The following HIPK2 variants were observed in gnomAD, a reference collection of about 807,000 sequenced individuals.
The protein encoded by HIPK2 is homeodomain interacting protein kinase 2.
HIPK2 carries 27 observed loss-of-function variants against 113.7 expected under a neutral mutation model. The observed-to-expected ratio is 0.24, with a 90% CI of 0.17 to 0.33. HIPK2 has a LOEUF of 0.33. HIPK2 is among the 10% of genes least tolerant of loss of function. HIPK2 has a pLI of 1.00. For synonymous variants in HIPK2, 631 were observed against 642.2 expected (o/e 0.98, Z 0.26); for missense variants, 1,257 against 1,588.0 (o/e 0.79, Z 3.54).
intron 12 of HIPK2, among the ~76,000 whole-genome samples, chr7:139,588,185 G>A (rs1377033479): frequency 6.6e-6 from 1 of 151,986 alleles, no homozygotes; most frequent in African/African-American, 2.4e-5. Context: ...AGGCGTGGTG[G>A]TGTGCACCTG....
chr7:139,607,353 G>A (rs1402912102), intron 9 of HIPK2, among the ~76,000 whole-genome samples: 1 of 152,034 alleles, frequency 6.6e-6, no homozygotes, highest in Non-Finnish European at 1.5e-5. Flanking sequence ...AGGGCAAATA[G>A]GGTGTTCAGG....
chr7:139,670,957 T>A (rs886331555), intron 2 of HIPK2, among the ~76,000 whole-genome samples: 1 of 151,932 alleles, frequency 6.6e-6, no homozygotes, highest in African/African-American at 2.4e-5. Context: ...GACAGGGTTT[T>A]GCCACGTTGT....
chr7:139,611,954 A>G (rs1799843399), intron 9 of HIPK2, among the ~76,000 whole-genome samples: 1 of 152,188 alleles, frequency 6.6e-6, no homozygotes, highest in South Asian at 2.1e-4. Flanking sequence ...ATATCCAGTA[A>G]ATATAAAGCA....
intron 2 of HIPK2, among the ~76,000 whole-genome samples, chr7:139,688,812 T>C (rs923692757): frequency 1.3e-5 from 2 of 152,214 alleles, no homozygotes; most frequent in Non-Finnish European, 2.9e-5. Context: ...ATGTTCATTA[T>C]AAGACGGATT....
chr7:139,594,995 C>A (rs950958104), intron 12 of HIPK2, among the ~76,000 whole-genome samples: 1 of 152,160 alleles, frequency 6.6e-6, no homozygotes, highest in Admixed American at 6.5e-5. Context: ...CTTTGCGTTC[C>A]ACTCTCAGCC....
intron 1 of HIPK2, among the ~76,000 whole-genome samples, chr7:139,728,976 T>C (rs1218916577): frequency 6.6e-6 from 1 of 152,152 alleles, no homozygotes; most frequent in Non-Finnish European, 1.5e-5. Context: ...AAAAAGGCCA[T>C]ATAGGAATGT....
At chr7:139,750,839 AT>A (rs948756392) in intron 1 of HIPK2, among the ~76,000 whole-genome samples, 3 of 152,238 alleles carry the variant, frequency 2.0e-5, no homozygotes, top group African/African-American at 7.2e-5. Flanking sequence ...AACTAAAAAA[AT>A]CTTTGCTCCT....
At position 139,594,457 on chromosome 7, in the gene HIPK2, AT is replaced by A. The variant is rs966081827; in HGVS notation, c.2717+2259del. ...AGAACAAGTAATCATATTTCCCCAC[AT>A]TTTTTTTTTCTGATCCCAAAATGTA... On this transcript the variant is annotated intron_variant, in intron 12 of 14. Coordinates refer to ENST00000406875, the MANE Select transcript of HIPK2 (RefSeq NM_022740.5). Among the ~76,000 whole-genome samples the A allele has an allele frequency of 1.4e-3, 214 of 149,776 alleles. 1 individual carries two copies. Among genetic ancestry groups the A allele is most frequent in the Non-Finnish European group, 2.0e-3 (131 of 67,162 alleles).
rs542969804 is a variant in HIPK2, at chr7:139,713,423, A to C, written c.1103+2509T>G. Among the ~76,000 whole-genome samples, 34 of 152,262 alleles carry C rather than the reference A, an allele frequency of 2.2e-4. No homozygotes were observed. In the South Asian group the frequency reaches 6.8e-3, roughly 31 times the overall value. ...GCACCAGCACCAGGCAGGAAAGCAA[A>C]GAAAAACTCGCAGAGTCCAAGGGGA... On this transcript the variant is annotated intron_variant, in intron 2 of 14. Coordinates refer to ENST00000406875, the MANE Select transcript of HIPK2 (RefSeq NM_022740.5).
intron 1 of HIPK2, among the ~76,000 whole-genome samples, chr7:139,724,535 T>TA (rs1163113810): frequency 1.3e-5 from 2 of 152,258 alleles, no homozygotes; most frequent in East Asian, 3.9e-4. Flanking sequence ...ATTCTTTTTT[T>TA]TTATTATTAT....
At chr7:139,737,643 A>T (rs1795975382) in intron 1 of HIPK2, among the ~76,000 whole-genome samples, 1 of 152,220 alleles carries the variant, frequency 6.6e-6, no homozygotes, top group Non-Finnish European at 1.5e-5. Flanking sequence ...TTGGGGCCGG[A>T]AGCTCCCCAG....
intron 2 of HIPK2, among the ~76,000 whole-genome samples, chr7:139,671,779 C>T (rs1802311862): frequency 6.6e-6 from 1 of 152,160 alleles, no homozygotes; most frequent in South Asian, 2.1e-4. Flanking sequence ...CTCGAACGAC[C>T]TCAGGTGATC....
At chr7:139,722,055 A>C in intron 1 of HIPK2, 3 of 478,212 alleles carry the variant, frequency 6.3e-6, no homozygotes, top group South Asian at 4.7e-5. Context: ...ATAAACACTG[A>C]ATCTCAGATA....
chr7:139,745,724 C>G lies in HIPK2; in HGVS notation c.20-28709G>C, dbSNP rs573467697. ...CTCACCTTCCACACCCCCCTCACCC[C>G]CCAACTTCCAGGCAGTGGCCAGGCC... On this transcript the variant is annotated intron_variant, in intron 1 of 14. Transcript: ENST00000406875. 4.6e-4 allele frequency among the ~76,000 whole-genome samples: 70 copies of G among 152,174 alleles called. 4 individuals carry two copies. The highest frequency in any genetic ancestry group is 3.8e-4 in the Non-Finnish European group (26 of 68,044).
Position 139,571,990 on chromosome 7 carries a change from ATTGGAG to A in HIPK2, c.*931_*936del, listed in dbSNP as rs909706491. ...CATTGAGGAATATTCTATTGGTATCATTGGAGTTGAACACAAGGTAGGAGACAAGGG... is the reference window on the plus strand; with the variant it reads ...CATTGAGGAATATTCTATTGGTATCATTGAACACAAGGTAGGAGACAAGGG... On this transcript the variant is annotated 3_prime_UTR_variant, in exon 15 of 15. Coordinates refer to ENST00000406875, the MANE Select transcript of HIPK2 (RefSeq NM_022740.5). 5 of 152,250 alleles carry A rather than the reference ATTGGAG, an allele frequency of 3.3e-5. No individual in the cohort carries two copies. The South Asian group carries it at 6.2e-4, about 19-fold the overall frequency. The allele number at this position is 152,250 out of a possible 1,614,324, so 9.4% of individuals were successfully genotyped here.
At chr7:139,663,135 C>G (rs967920139) in intron 2 of HIPK2, among the ~76,000 whole-genome samples, 2 of 152,192 alleles carry the variant, frequency 1.3e-5, no homozygotes, top group African/African-American at 2.4e-5. Flanking sequence ...TCCCTGCATC[C>G]TGCCCTTCTC....
intron 11 of HIPK2, among the ~76,000 whole-genome samples, chr7:139,597,943 T>C (rs895607489): frequency 2.0e-5 from 3 of 152,248 alleles, no homozygotes; most frequent in Non-Finnish European, 2.9e-5. Flanking sequence ...AATATTTGCA[T>C]ATACATAATG....
intron 9 of HIPK2, 168 bp from the exon 10 acceptor site, chr7:139,604,391 GAACA>G: frequency 2.2e-6 from 1 of 446,814 alleles, no homozygotes; most frequent in Non-Finnish European, 3.0e-6. Context: ...GATAAACAAT[GAACA>G]TACAGGCCGG....
At chr7:139,739,247 C>T (rs1796030240) in intron 1 of HIPK2, among the ~76,000 whole-genome samples, 3 of 152,042 alleles carry the variant, frequency 2.0e-5, no homozygotes, top group Admixed American at 2.0e-4. Context: ...AAAGTAACAG[C>T]TTTATGGACA....
Sources: allele counts gnomAD v4.1 joint callset (sites outside exome capture counted in the v4.1 genomes callset), GRCh38; gene constraint gnomAD v4.1.1; transcripts MANE v1.5; gene names NCBI Gene and HGNC (gene_info 2026-07-23, HGNC 2026-07-21).